The following DACH2 variants were observed in gnomAD, a reference collection of about 807,000 sequenced individuals.
DACH2 encodes dachshund homolog 2.
DACH2 carries 17 observed loss-of-function variants against 35.8 expected under a neutral mutation model. The ratio of observed to expected loss-of-function variants is 0.48; its 90% CI spans 0.33 to 0.71. The LOEUF is 0.71. Among genes scored for constraint, DACH2 ranks in the 30% least tolerant of loss-of-function variants. DACH2 has a pLI of 0.02. For missense variants in DACH2, 469 were observed against 472.7 expected, an observed-to-expected ratio of 0.99 and a Z score of 0.07; for synonymous variants, 195 against 177.3, an observed-to-expected ratio of 1.10 and a Z score of -0.79.
intron 3 of DACH2, among the ~76,000 whole-genome samples, chrX:86,517,448 G>C (rs1284976697): frequency 1.1e-5 from 1 of 90,468 alleles, no homozygotes; most frequent in Middle Eastern, 5.9e-3. Flanking sequence ...ATGGAGTCTT[G>C]TTCTGTCGCC....
intron 4 of DACH2, among the ~76,000 whole-genome samples, chrX:86,692,047 AT>A (rs780559033): frequency 9.0e-6 from 1 of 111,544 alleles, no homozygotes; most frequent in Non-Finnish European, 1.9e-5. Flanking sequence ...ATGATGAGAG[AT>A]TTAGGTCAAA....
Position 86,149,200 on chromosome X carries a change from G to A in DACH2, c.488+92G>A, listed in dbSNP as rs1173009595. 2.0e-6 allele frequency: 2 copies of A among 1,022,856 alleles called. 1 individual carries two copies. Among genetic ancestry groups the A allele is most frequent in the Non-Finnish European group, 2.6e-6 (2 of 776,594 alleles). The allele number at this position is 1,022,856 out of a possible 1,213,427, so 84.3% of individuals were successfully genotyped here. A position where few individuals can be genotyped will look rare whatever the true frequency, so the allele number is the denominator to read the frequency against. On this transcript the variant is annotated intron_variant, in intron 1 of 11. Transcript: ENST00000373125. ...ACCCTCATCCAACTTTGTTTGTAGA[G>A]TGAGTCTTAACTAGTTTGCCTCTAT...
intron 3 of DACH2, among the ~76,000 whole-genome samples, chrX:86,524,134 C>A (rs1008687506): frequency 8.9e-6 from 1 of 112,468 alleles, no homozygotes; most frequent in Non-Finnish European, 1.9e-5. Context: ...TGTCAGATTT[C>A]TTTTACTGTC....
chrX:86,754,334 G>T (rs1247612189), intron 7 of DACH2, among the ~76,000 whole-genome samples: 1 of 110,438 alleles, frequency 9.1e-6, no homozygotes, highest in African/African-American at 3.3e-5. Context: ...TAAGATGAAT[G>T]AGGATAGGGA....
intron 6 of DACH2, among the ~76,000 whole-genome samples, chrX:86,722,729 T>G (rs1018957102): frequency 9.0e-6 from 1 of 111,603 alleles, no homozygotes; most frequent in Non-Finnish European, 1.9e-5. Flanking sequence ...TGATGTGTTA[T>G]TGACTTAATT....
At chrX:86,557,053 G>A (rs773437311) in intron 3 of DACH2, among the ~76,000 whole-genome samples, 8 of 108,852 alleles carry the variant, frequency 7.3e-5, no homozygotes, top group African/African-American at 2.3e-4. Context: ...GAAGGCCTGA[G>A]TGCAAAGAGT....
intron 1 of DACH2, among the ~76,000 whole-genome samples, chrX:86,174,577 C>A (rs1451781632): frequency 8.9e-6 from 1 of 112,178 alleles, no homozygotes; most frequent in East Asian, 2.8e-4. Context: ...TAAGAAACTT[C>A]TGTGATGAGG....
chrX:86,260,996 C>A (rs183509812), intron 1 of DACH2, among the ~76,000 whole-genome samples: 32 of 112,286 alleles, frequency 2.8e-4, no homozygotes, highest in Non-Finnish European at 5.4e-4. Flanking sequence ...GTTGCCCAGT[C>A]TAAATGATGC....
chrX:86,342,565 G>C (rs2035429629), intron 1 of DACH2, among the ~76,000 whole-genome samples: 1 of 109,158 alleles, frequency 9.2e-6, no homozygotes, highest in South Asian at 4.1e-4. Context: ...CCACTACTTT[G>C]GGAGGCTGAG....
intron 4 of DACH2, among the ~76,000 whole-genome samples, chrX:86,653,741 C>T (rs2040506257): frequency 1.0e-5 from 1 of 100,347 alleles, no homozygotes; most frequent in Non-Finnish European, 2.0e-5. Flanking sequence ...TCTTGGCTCA[C>T]TACAACCTCT....
rs2042619579 is a variant in DACH2, at chrX:86,832,164, C to T, written c.*9C>T. 1.1e-5 allele frequency: 13 copies of T among 1,171,861 alleles called. No individual in the cohort carries two copies. The highest frequency in any genetic ancestry group is 1.5e-5 in the Non-Finnish European group (13 of 862,428). On this transcript the variant is annotated 3_prime_UTR_variant, in exon 12 of 12. Transcript: ENST00000373125. ...AGTTGTATTCAGCCTGAAAGGTCCT[C>T]GCTGGCTTTACATAAATGAAGATGC...
intron 1 of DACH2, among the ~76,000 whole-genome samples, chrX:86,156,219 C>T (rs242840): frequency 0.066 from 7,359 of 110,849 alleles, 585 homozygotes; most frequent in African/African-American, 0.23. Flanking sequence ...TAAAACAAAA[C>T]CTTGGGTTTT....
chrX:86,603,303 C>T (rs1240069647), intron 3 of DACH2, among the ~76,000 whole-genome samples: 1 of 111,170 alleles, frequency 9.0e-6, no homozygotes, highest in African/African-American at 3.3e-5. Flanking sequence ...TAAACAAGGT[C>T]ATATTTTGAG....
chrX:86,305,060 G>A (rs764754011), intron 1 of DACH2: 2 of 150,803 alleles, frequency 1.3e-5, no homozygotes, highest in South Asian at 4.1e-4. Context: ...AGCAGCCCAA[G>A]TATTGGCTGG....
chrX:86,398,879 T>G (rs1283147731), intron 2 of DACH2, among the ~76,000 whole-genome samples: 2 of 111,733 alleles, frequency 1.8e-5, no homozygotes, highest in East Asian at 2.8e-4. Flanking sequence ...GGGGTGGAGA[T>G]TTCTGTGGAT....
At chrX:86,486,998 G>A (rs932482813) in intron 2 of DACH2, among the ~76,000 whole-genome samples, 1 of 111,886 alleles carries the variant, frequency 8.9e-6, no homozygotes, top group Non-Finnish European at 1.9e-5. Context: ...CACAATGCCA[G>A]TGAAGAGTTT....
At chrX:86,772,660 G>A (rs1349767305) in intron 7 of DACH2, among the ~76,000 whole-genome samples, 1 of 111,351 alleles carries the variant, frequency 9.0e-6, no homozygotes, top group Non-Finnish European at 1.9e-5. Context: ...GAAACATAAA[G>A]GGAAAATGCA....
chrX:86,790,148 A>T (rs2042174046), intron 7 of DACH2, among the ~76,000 whole-genome samples: 1 of 111,739 alleles, frequency 8.9e-6, no homozygotes, highest in Non-Finnish European at 1.9e-5. Flanking sequence ...ATTAAAATTG[A>T]ATTGGACAAT....
At position 86,813,252 on chromosome X, in the gene DACH2, A is replaced by G. The variant is rs2042412575; in HGVS notation, c.1512A>G (p.Gln504=). The change falls in exon 9 of 12, where the codon CAA becomes CAG. Residue 504 remains glutamine, a synonymous_variant. Transcript: ENST00000373125. ...EREIRENLER[Q]LAVELQSRTT... is the part of the protein sequence containing the mutation. ...AAATTAGAGAAAACCTTGAAAGACA[A>G]CTTGCAGTTGAGCTTCAAAGCAGAA... is the stretch of plus-strand genomic sequence containing the variant. 8.3e-7 allele frequency: 1 copy of G among 1,201,253 alleles called. No individual in the cohort carries two copies. The highest frequency in any genetic ancestry group is 1.1e-6 in the Non-Finnish European group (1 of 892,256).
Sources: allele counts gnomAD v4.1 joint callset (sites outside exome capture counted in the v4.1 genomes callset), GRCh38; gene constraint gnomAD v4.1.1; transcripts MANE v1.5; gene names NCBI Gene and HGNC (gene_info 2026-07-23, HGNC 2026-07-21).